GAS7: variants seen among roughly 807,000 people sequenced by gnomAD.
GAS7 encodes the protein growth arrest specific 7.
Under a neutral mutation model 71.1 loss-of-function variants are expected in GAS7, and 28 were observed. The ratio of observed to expected loss-of-function variants is 0.39; its 90% CI spans 0.29 to 0.54. GAS7 has a LOEUF of 0.54. Ranked by LOEUF, GAS7 falls within the 20% of genes least tolerant of loss-of-function variation. The pLI is 0.62. For missense variants in GAS7, 436 were observed against 627.8 expected (o/e 0.69, Z 3.27); for synonymous variants, 258 against 245.8 (o/e 1.05, Z -0.46).
At chr17:10,098,379 G>A (rs1438031647) in intron 1 of GAS7, among the ~76,000 whole-genome samples, 4 of 152,184 alleles carry the variant, frequency 2.6e-5, no homozygotes, top group Admixed American at 2.0e-4. Flanking sequence ...TGTCTTCCAC[G>A]CTGTCCTGTA....
intron 1 of GAS7, among the ~76,000 whole-genome samples, chr17:10,045,344 A>G (rs913094965): frequency 3.9e-5 from 6 of 152,316 alleles, no homozygotes; most frequent in East Asian, 1.9e-4. Context: ...TTTCTTGTAC[A>G]TATCATGGTA....
rs562661507 is a variant in GAS7, at chr17:10,138,164, A to G, written c.183+60044T>C. The stretch of plus-strand genomic sequence containing the variant: ...GTATTTTTAGTAGAGACCGGGTTTC[A>G]CCATGTTAGCCAGGATGGTCTCGAT... On this transcript the variant is annotated intron_variant, in intron 1 of 13. Transcript: ENST00000432992. 6.9e-4 allele frequency among the ~76,000 whole-genome samples: 104 copies of G among 150,268 alleles called. 2 individuals carry two copies. Among genetic ancestry groups the G allele is most frequent in the Non-Finnish European group, 3.1e-4 (21 of 67,512 alleles).
At chr17:10,019,658 T>C in intron 2 of GAS7, 119 bp downstream of exon 2, 3 of 985,286 alleles carry the variant, frequency 3.0e-6, no homozygotes, top group Non-Finnish European at 4.5e-6. Context: ...CCCCTGAGCA[T>C]AGACTTAAGA....
chr17:9,964,310 C>T (rs1203484894), intron 4 of GAS7, among the ~76,000 whole-genome samples: 1 of 152,068 alleles, frequency 6.6e-6, no homozygotes, highest in Non-Finnish European at 1.5e-5. Context: ...AGCCCATTTC[C>T]TCCCCCCCTG....
chr17:10,091,875 G>C (rs1376147946), intron 1 of GAS7, among the ~76,000 whole-genome samples: 4 of 151,754 alleles, frequency 2.6e-5, no homozygotes, highest in African/African-American at 7.3e-5. Context: ...GTAGAGAGAG[G>C]GTTTTGCCAT....
chr17:9,946,433 T>G (rs545764785), intron 6 of GAS7, among the ~76,000 whole-genome samples: 40 of 152,146 alleles, frequency 2.6e-4, no homozygotes, highest in Non-Finnish European at 5.4e-4. Flanking sequence ...GCAAACGTTT[T>G]AAAACTACAG....
At chr17:10,126,574 G>A (rs574293341) in intron 1 of GAS7, among the ~76,000 whole-genome samples, 72 of 145,876 alleles carry the variant, frequency 4.9e-4, no homozygotes, top group Non-Finnish European at 7.1e-4. Flanking sequence ...ACACACTCTC[G>A]AAAACACACA....
rs750641887 is a variant in GAS7 at position 9,918,013 on chromosome 17, C to T, written c.1305G>A (p.Met435Ile). 6.2e-7 allele frequency: 1 copy of T among 1,612,726 alleles called. No individual in the cohort carries two copies. The highest frequency in any genetic ancestry group is 1.1e-5 in the South Asian group (1 of 91,054). ...QYTQLRHETDMFNQSTVEPVD... is the reference protein window; with the variant it reads ...QYTQLRHETDIFNQSTVEPVD... ...GCTGGAAACTCACGCTTTGGTTGAA[C>T]ATGTCTGTTTCATGCCGCAGCTGCG... Residue 435 changes from methionine to isoleucine, a missense_variant, in exon 13 of 14, where the codon ATG (methionine) becomes ATA (isoleucine). Met to Ile is a conservative substitution (Grantham distance 10, BLOSUM62 1). Transcript: ENST00000432992.
At position 10,158,886 on chromosome 17, in the gene GAS7, CT is replaced by C. The variant is rs565677782; in HGVS notation, c.183+39321del. 1.1e-4 allele frequency among the ~76,000 whole-genome samples: 16 copies of C among 151,218 alleles called. No homozygotes were observed. The South Asian group carries it at 3.4e-3, about 32-fold the overall frequency. On this transcript the variant is annotated intron_variant, in intron 1 of 13. Coordinates refer to ENST00000432992, the MANE Select transcript of GAS7 (RefSeq NM_201433.2). ...CCTGGGCAACATGGTGAAACCTCAT[CT>C]CTTCTAAAAAATACAAAATATTAGC...
At chr17:10,029,292 A>T (rs2072550610) in intron 1 of GAS7, among the ~76,000 whole-genome samples, 1 of 152,198 alleles carries the variant, frequency 6.6e-6, no homozygotes, top group Non-Finnish European at 1.5e-5. Context: ...AAGGCAACAG[A>T]AACATATTCT....
intron 4 of GAS7, among the ~76,000 whole-genome samples, chr17:9,961,875 A>C (rs1414423572): frequency 6.6e-6 from 1 of 152,174 alleles, no homozygotes; most frequent in Non-Finnish European, 1.5e-5. Flanking sequence ...CCATCTCTCC[A>C]CTTTGAGACC....
At chr17:10,024,503 A>G (rs1239077613) in intron 1 of GAS7, among the ~76,000 whole-genome samples, 1 of 152,240 alleles carries the variant, frequency 6.6e-6, no homozygotes, top group Non-Finnish European at 1.5e-5. Flanking sequence ...TGGAAGGAAC[A>G]AGATCAGAGG....
chr17:10,009,444 A>G (rs2071673054), intron 2 of GAS7, among the ~76,000 whole-genome samples: 1 of 152,090 alleles, frequency 6.6e-6, no homozygotes, highest in Non-Finnish European at 1.5e-5. Context: ...AATCAAGAAA[A>G]TTACTATTTG....
chr17:9,964,290 A>T lies in GAS7; in HGVS notation c.472-5035T>A, dbSNP rs150919980. The stretch of plus-strand genomic sequence containing the variant: ...TGATTCAGCAGGCCCCCGACTCCAA[A>T]TGTCTTCTCAGCCCATTTCCTCCCC... On this transcript the variant is annotated intron_variant, in intron 4 of 13. Transcript: ENST00000432992. 8.1e-3 allele frequency among the ~76,000 whole-genome samples: 1,233 copies of T among 152,062 alleles called. 10 individuals carry two copies. Among genetic ancestry groups the T allele is most frequent in the Non-Finnish European group, 0.012 (798 of 67,986 alleles).
chr17:9,949,837 C>A (rs1193044841), intron 5 of GAS7, among the ~76,000 whole-genome samples: 1 of 145,924 alleles, frequency 6.9e-6, no homozygotes, highest in African/African-American at 2.5e-5. Context: ...CTCTTCCCCT[C>A]CCTCCTTCCC....
chr17:10,173,113 C>T (rs898591069), intron 1 of GAS7, among the ~76,000 whole-genome samples: 2 of 152,196 alleles, frequency 1.3e-5, no homozygotes, highest in Non-Finnish European at 2.9e-5. Flanking sequence ...TTCTGTGAAA[C>T]ACCTAGAATA....
intron 1 of GAS7, among the ~76,000 whole-genome samples, chr17:10,181,230 CAT>C (rs1291638857): frequency 6.6e-6 from 1 of 151,616 alleles, no homozygotes; most frequent in Non-Finnish European, 1.5e-5. Flanking sequence ...CGTGGTGGTG[CAT>C]GCCTGTAATC....
chr17:10,046,504 T>C (rs531543857), intron 1 of GAS7, among the ~76,000 whole-genome samples: 1 of 151,232 alleles, frequency 6.6e-6, no homozygotes, highest in Non-Finnish European at 1.5e-5. Context: ...ACTGCCCGCC[T>C]CGGCGGGCAG....
At chr17:9,928,120 TTTA>T (rs1284872879) in intron 9 of GAS7, among the ~76,000 whole-genome samples, 3 of 150,736 alleles carry the variant, frequency 2.0e-5, no homozygotes, top group Middle Eastern at 3.2e-3. Context: ...TATTTATTTA[TTTA>T]TTTTTTTGAG....
Sources: allele counts gnomAD v4.1 joint callset (sites outside exome capture counted in the v4.1 genomes callset), GRCh38; gene constraint gnomAD v4.1.1; transcripts MANE v1.5; gene names NCBI Gene and HGNC (gene_info 2026-07-23, HGNC 2026-07-21).